SLC4A10: variants seen among roughly 807,000 people sequenced by gnomAD.
SLC4A10 encodes the protein solute carrier family 4 member 10.
SLC4A10 carries 42 observed loss-of-function variants against 137.7 expected under a neutral mutation model. That is an observed-to-expected ratio of 0.30 (90% confidence interval 0.24 to 0.39). The LOEUF (loss-of-function observed/expected upper bound fraction) is 0.39. Ranked by LOEUF, SLC4A10 falls within the 10% of genes least tolerant of loss-of-function variation. SLC4A10 has a pLI of 1.00. For missense variants in SLC4A10, 925 were observed against 1,355.0 expected, an observed-to-expected ratio of 0.68 and a Z score of 4.98; for synonymous variants, 474 against 464.1, an observed-to-expected ratio of 1.02 and a Z score of -0.27.
intron 3 of SLC4A10, among the ~76,000 whole-genome samples, chr2:161,815,427 G>A (rs1258825897): frequency 6.6e-6 from 1 of 152,156 alleles, no homozygotes; most frequent in African/African-American, 2.4e-5. Flanking sequence ...CTTCCGCCAT[G>A]ATTGTAAGTT....
At chr2:161,654,015 G>A (rs1366951335) in intron 1 of SLC4A10, among the ~76,000 whole-genome samples, 2 of 152,118 alleles carry the variant, frequency 1.3e-5, no homozygotes, top group African/African-American at 4.8e-5. Flanking sequence ...CAGTGTATAA[G>A]TGTCCAATTT....
chr2:161,655,370 T>G (rs867661806), intron 1 of SLC4A10, among the ~76,000 whole-genome samples: 12 of 152,176 alleles, frequency 7.9e-5, no homozygotes, highest in African/African-American at 2.4e-4. Flanking sequence ...TTACCTTATT[T>G]CTCTGGCTAG....
intron 1 of SLC4A10, among the ~76,000 whole-genome samples, chr2:161,764,717 A>G (rs1214340604): frequency 1.3e-5 from 2 of 152,134 alleles, no homozygotes; most frequent in Non-Finnish European, 2.9e-5. Flanking sequence ...TTATGTGAAC[A>G]TTGTAACAAT....
intron 6 of SLC4A10, among the ~76,000 whole-genome samples, chr2:161,864,334 A>T (rs1329687896): frequency 1.3e-5 from 2 of 152,156 alleles, no homozygotes; most frequent in Non-Finnish European, 2.9e-5. Flanking sequence ...ATGTAATCTC[A>T]CCCTTATTTT....
At chr2:161,700,059 GT>G (rs1163285550) in intron 1 of SLC4A10, among the ~76,000 whole-genome samples, 1 of 152,118 alleles carries the variant, frequency 6.6e-6, no homozygotes, top group Admixed American at 6.6e-5. Flanking sequence ...AAGATCAGAT[GT>G]AATAGCATGA....
intron 1 of SLC4A10, among the ~76,000 whole-genome samples, chr2:161,694,766 C>T (rs2042325720): frequency 6.6e-6 from 1 of 151,978 alleles, no homozygotes. Flanking sequence ...CATCAGTCAA[C>T]AGAAAATAAA....
chr2:161,876,652 C>T (rs2061467503), intron 8 of SLC4A10, among the ~76,000 whole-genome samples: 1 of 152,128 alleles, frequency 6.6e-6, no homozygotes, highest in Admixed American at 6.6e-5. Context: ...CCACTGCACT[C>T]CACTCTGGAT....
intron 1 of SLC4A10, among the ~76,000 whole-genome samples, chr2:161,736,837 A>T (rs748789765): frequency 5.3e-5 from 8 of 152,062 alleles, no homozygotes; most frequent in Non-Finnish European, 8.8e-5. Flanking sequence ...ACATCCTTAT[A>T]AATGGAAGTA....
chr2:161,934,399 A>G (rs1275920069), intron 15 of SLC4A10, among the ~76,000 whole-genome samples: 1 of 152,092 alleles, frequency 6.6e-6, no homozygotes, highest in African/African-American at 2.4e-5. Context: ...AGCTCCCACA[A>G]ATAAGTGAAA....
chr2:161,963,414 T>A (rs924506224), intron 21 of SLC4A10, among the ~76,000 whole-genome samples: 1 of 152,180 alleles, frequency 6.6e-6, no homozygotes, highest in African/African-American at 2.4e-5. Context: ...GTGACAGTGC[T>A]GTATATAAAG....
At chr2:161,637,665 G>A (rs1397369369) in intron 1 of SLC4A10, among the ~76,000 whole-genome samples, 1 of 151,976 alleles carries the variant, frequency 6.6e-6, no homozygotes, top group Non-Finnish European at 1.5e-5. Context: ...GGGATTGTTG[G>A]GTCATATGAC....
chr2:161,949,318 G>A, intron 18 of SLC4A10, 57 bp downstream of exon 18: 1 of 1,126,814 alleles, frequency 8.9e-7, no homozygotes, highest in Non-Finnish European at 1.3e-6. Context: ...TCATTTAGAT[G>A]ATACCTATAA....
intron 15 of SLC4A10, among the ~76,000 whole-genome samples, chr2:161,906,125 C>G (rs1684286573): frequency 6.6e-6 from 1 of 152,078 alleles, no homozygotes; most frequent in African/African-American, 2.4e-5. Flanking sequence ...TTCTATTTGT[C>G]CAGTGTTCTC....
chr2:161,830,073 A>G (rs1268508413), intron 3 of SLC4A10, among the ~76,000 whole-genome samples: 4 of 151,982 alleles, frequency 2.6e-5, no homozygotes, highest in East Asian at 1.9e-4. Flanking sequence ...ATTTCTTTCT[A>G]TAGAATATAC....
chr2:161,679,686 CGTGTGTGTGTGTGTGTGT>C (rs67726464), intron 1 of SLC4A10, among the ~76,000 whole-genome samples: 2 of 136,694 alleles, frequency 1.5e-5, no homozygotes, highest in African/African-American at 5.5e-5. Context: ...TGTAGGTCAA[CGTGTGTGTGTGTGTGTGT>C]GTGTGTGTGT....
At position 161,712,018 on chromosome 2, in the gene SLC4A10, A is replaced by T. The variant is rs530101799; in HGVS notation, c.49-58955A>T. 3.3e-5 allele frequency among the ~76,000 whole-genome samples: 5 copies of T among 152,032 alleles called. No individual in the cohort carries two copies. The East Asian group carries it at 9.7e-4, about 29-fold the overall frequency. ...TGGGCTATTGGCAAGACTTTGTAAC[A>T]GTCATCATGCAGTTTAGTTTTGTTC... On this transcript the variant is annotated intron_variant, in intron 1 of 26. Transcript: ENST00000446997.
intron 1 of SLC4A10, among the ~76,000 whole-genome samples, chr2:161,737,613 G>A (rs980495559): frequency 6.6e-6 from 1 of 152,002 alleles, no homozygotes; most frequent in East Asian, 1.9e-4. Context: ...TAATTCAGGA[G>A]CCCTCATTTA....
At chr2:161,973,038 A>T (rs889962840) in intron 23 of SLC4A10, among the ~76,000 whole-genome samples, 6 of 152,188 alleles carry the variant, frequency 3.9e-5, no homozygotes, top group African/African-American at 1.4e-4. Flanking sequence ...CATGCCAGGA[A>T]TAATAAAATC....
chr2:161,698,950 G>C (rs1413293263), intron 1 of SLC4A10, among the ~76,000 whole-genome samples: 1 of 151,966 alleles, frequency 6.6e-6, no homozygotes, highest in Admixed American at 6.5e-5. Context: ...TACTTTTTTT[G>C]GTTGGTAGGC....
Sources: gnomAD v4.1 joint callset for allele counts (sites outside exome capture counted in the v4.1 genomes callset) on GRCh38, gnomAD v4.1.1 for gene constraint, MANE v1.5 for transcripts, NCBI Gene and HGNC (gene_info 2026-07-23, HGNC 2026-07-21) for gene names.